The following DDX46 variants were observed in gnomAD, a reference collection of about 807,000 sequenced individuals.
DDX46 encodes probable ATP-dependent RNA helicase DDX46.
In DDX46, 30 loss-of-function variants were observed where a neutral mutation model predicts 134.9. That is an observed-to-expected ratio of 0.22 (90% CI 0.17 to 0.30). DDX46 has a LOEUF of 0.30. Ranked by LOEUF, DDX46 falls within the 10% of genes least tolerant of loss-of-function variation. The pLI is 1.00. For synonymous variants in DDX46, 415 were observed against 404.1 expected (o/e 1.03, Z -0.32); for missense variants, 622 against 1,248.7 (o/e 0.50, Z 7.56).
At chr5:134,792,101 T>TGGGAGGCACAGGGTGTA (rs1754521962) in intron 13 of DDX46, among the ~76,000 whole-genome samples, 1 of 152,076 alleles carries the variant, frequency 6.6e-6, no homozygotes, top group Non-Finnish European at 1.5e-5. Context: ...CACTTGAACC[T>TGGGAGGCACAGGGTGTA]GGGAGGCACA....
intron 3 of DDX46, among the ~76,000 whole-genome samples, chr5:134,768,579 G>T (rs1753655772): frequency 6.6e-6 from 1 of 151,516 alleles, no homozygotes; most frequent in Admixed American, 6.6e-5. Flanking sequence ...TCACCTCTAG[G>T]TATCTTACAT....
intron 6 of DDX46, 152 bp from the exon 7 acceptor site, chr5:134,780,981 A>T (rs1225733976): frequency 7.8e-6 from 4 of 511,636 alleles, no homozygotes; most frequent in Non-Finnish European, 1.0e-5. Flanking sequence ...GTGAGCTATG[A>T]TCACACCACT....
At chr5:134,803,571 A>C (rs915040738) in intron 15 of DDX46, among the ~76,000 whole-genome samples, 2 of 152,172 alleles carry the variant, frequency 1.3e-5, no homozygotes, top group African/African-American at 2.4e-5. Context: ...AGTTTGAAAT[A>C]AATAAGTAAG....
At chr5:134,826,521 A>G (rs1755597157) in intron 21 of DDX46, 1 of 152,960 alleles carries the variant, frequency 6.5e-6, no homozygotes, top group Admixed American at 6.5e-5. Context: ...TTTCATTTTA[A>G]AGATTTTGTT....
chr5:134,786,695 A>C (rs1268484636), intron 11 of DDX46, among the ~76,000 whole-genome samples: 1 of 152,048 alleles, frequency 6.6e-6, no homozygotes, highest in Non-Finnish European at 1.5e-5. Context: ...AAACACAGAA[A>C]TTAGCCTGGC....
intron 15 of DDX46, among the ~76,000 whole-genome samples, chr5:134,796,366 G>A (rs1372145648): frequency 1.3e-5 from 2 of 152,144 alleles, no homozygotes; most frequent in African/African-American, 4.8e-5. Flanking sequence ...AAGTTCCATC[G>A]CCATTTATCA....
At chr5:134,771,649 C>G (rs1207176180) in intron 4 of DDX46, among the ~76,000 whole-genome samples, 1 of 151,654 alleles carries the variant, frequency 6.6e-6, no homozygotes, top group African/African-American at 2.4e-5. Flanking sequence ...TTGCAGTGAG[C>G]CGAGATTGGG....
chr5:134,810,930 C>T (rs923618453), intron 16 of DDX46, among the ~76,000 whole-genome samples: 9 of 151,824 alleles, frequency 5.9e-5, no homozygotes, highest in Non-Finnish European at 8.8e-5. Flanking sequence ...CACTTGAACC[C>T]GGGAGGCAGA....
intron 11 of DDX46, among the ~76,000 whole-genome samples, chr5:134,786,550 A>G (rs2150143799): frequency 6.6e-6 from 1 of 152,266 alleles, no homozygotes; most frequent in African/African-American, 2.4e-5. Flanking sequence ...TGACATCTTT[A>G]AAAAGTGATG....
intron 18 of DDX46, among the ~76,000 whole-genome samples, chr5:134,812,798 C>A (rs1412530957): frequency 6.6e-6 from 1 of 152,024 alleles, no homozygotes; most frequent in Admixed American, 6.6e-5. Flanking sequence ...CCACCACGCC[C>A]GGCTGATTTT....
chr5:134,813,444 G>T (rs1755203899), intron 18 of DDX46, among the ~76,000 whole-genome samples: 1 of 152,170 alleles, frequency 6.6e-6, no homozygotes, highest in African/African-American at 2.4e-5. Flanking sequence ...TCCAACATCA[G>T]TCACTTTGAT....
At chr5:134,787,237 CTGTCTTCTAAAG>C (rs1754366016) in intron 11 of DDX46, among the ~76,000 whole-genome samples, 2 of 152,212 alleles carry the variant, frequency 1.3e-5, no homozygotes, top group African/African-American at 4.8e-5. Flanking sequence ...AGCCCTTCAG[CTGTCTTCTAAAG>C]AATGAAATAG....
intron 4 of DDX46, among the ~76,000 whole-genome samples, chr5:134,772,216 G>A (rs970316010): frequency 6.6e-6 from 1 of 150,862 alleles, no homozygotes; most frequent in Non-Finnish European, 1.5e-5. Flanking sequence ...TGGGCAACAA[G>A]AGCGAAACTC....
intron 3 of DDX46, among the ~76,000 whole-genome samples, chr5:134,769,363 G>A (rs1266460106): frequency 1.1e-5 from 1 of 94,476 alleles, no homozygotes; most frequent in African/African-American, 4.3e-5. Context: ...GCAGAATCTT[G>A]CTCTGTCGTC....
chr5:134,818,931 A>C lies in DDX46; in HGVS notation c.2904A>C (p.Thr968=), dbSNP rs1273762147. ...RISEYSEAAI[T]IRGTYFPPGK... ...GTGAATACTCTGAAGCCGCAATTAC[A>C]ATCAGAGGAACCTACTTCCCTCCTG... is the stretch of plus-strand genomic sequence containing the variant. The change falls in exon 21 of 23, where the codon ACA becomes ACC. Residue 968 remains threonine (T), a synonymous_variant. Coordinates refer to ENST00000452510, the MANE Select transcript of DDX46 (RefSeq NM_001300860.2). 1 of 1,613,926 alleles carries C rather than the reference A, an allele frequency of 6.2e-7. No homozygotes were observed. Among genetic ancestry groups the C allele is most frequent in the Non-Finnish European group, 8.5e-7 (1 of 1,179,990 alleles).
intron 3 of DDX46, among the ~76,000 whole-genome samples, chr5:134,769,665 C>T (rs1310182095): frequency 6.6e-6 from 1 of 151,896 alleles, no homozygotes; most frequent in East Asian, 1.9e-4. Flanking sequence ...CTCGGCCTCC[C>T]ACCCCTGAGT....
At chr5:134,799,358 G>C (rs1157850900) in intron 15 of DDX46, among the ~76,000 whole-genome samples, 1 of 149,422 alleles carries the variant, frequency 6.7e-6, no homozygotes, top group Non-Finnish European at 1.5e-5. Context: ...ATGCTGCCCA[G>C]CTTGTCTTGA....
Position 134,821,294 on chromosome 5 carries a change from G to A in DDX46, c.2977+2290G>A, listed in dbSNP as rs191825249. Among the ~76,000 whole-genome samples, 830 of 151,424 alleles carry A rather than the reference G, an allele frequency of 5.5e-3. 4 individuals are homozygous for A. The highest frequency in any genetic ancestry group is 0.041 in the Middle Eastern group (12 of 292). On this transcript the variant is annotated intron_variant, in intron 21 of 22. Transcript: ENST00000452510. ...CCTGACCTTGTGATCCGCCCGCCTC[G>A]GCCTCCCAAAGTGCTGGGATTACAG...
intron 6 of DDX46, among the ~76,000 whole-genome samples, chr5:134,779,540 C>T (rs375291713): frequency 5.9e-5 from 9 of 151,586 alleles, no homozygotes; most frequent in African/African-American, 1.9e-4. Context: ...GACAGGGTCT[C>T]GCTGTGTTAC....
Sources: allele counts gnomAD v4.1 joint callset (sites outside exome capture counted in the v4.1 genomes callset), GRCh38; gene constraint gnomAD v4.1.1; transcripts MANE v1.5; gene names NCBI Gene and HGNC (gene_info 2026-07-23, HGNC 2026-07-21).